The following LGSN variants were observed in gnomAD, a reference collection of about 807,000 sequenced individuals.
LGSN encodes lengsin, lens protein with glutamine synthetase domain.
Under a neutral mutation model 19.5 loss-of-function variants are expected in LGSN, and 21 were observed. The observed-to-expected ratio is 1.07, with a 90% CI of 0.76 to 1.55. LGSN has a LOEUF of 1.55. Ranked by LOEUF, LGSN falls within the 40% of genes most tolerant of loss-of-function variation. The pLI is 0.00. For missense variants in LGSN, 673 were observed against 608.5 expected (o/e 1.11, Z -1.12); for synonymous variants, 257 against 215.6 (o/e 1.19, Z -1.68).
At chr6:63,366,519 A>G in the LGSN span, among the ~76,000 whole-genome samples, 40 of 152,296 alleles carry the variant, frequency 2.6e-4, no homozygotes, top group Admixed American at 1.6e-3. Flanking sequence ...ACTGCCCAAG[A>G]TAATTTATAG....
chr6:63,564,919 A>C, the LGSN span, among the ~76,000 whole-genome samples: 1 of 152,250 alleles, frequency 6.6e-6, no homozygotes, highest in Non-Finnish European at 1.5e-5. Context: ...TAGATTCATA[A>C]TAAGTCCTTT....
the LGSN span, among the ~76,000 whole-genome samples, chr6:63,486,702 TGAGAC>T: frequency 6.7e-6 from 1 of 148,288 alleles, no homozygotes. Context: ...TTTTTTTTTT[TGAGAC>T]GGAGTCTCAC....
At chr6:63,290,486 CT>C (rs1401447149) in intron 2 of LGSN, among the ~76,000 whole-genome samples, 1 of 152,166 alleles carries the variant, frequency 6.6e-6, no homozygotes, top group Non-Finnish European at 1.5e-5. Flanking sequence ...TGTTTAGAAA[CT>C]TTTTTGAAAT....
At chr6:63,543,482 T>G in the LGSN span, among the ~76,000 whole-genome samples, 184 of 152,328 alleles carry the variant, frequency 1.2e-3, 2 homozygotes, top group African/African-American at 4.2e-3. Context: ...TCTAACTTAT[T>G]CACCATTTTG....
the LGSN span, among the ~76,000 whole-genome samples, chr6:63,376,913 C>G: frequency 6.6e-6 from 1 of 152,148 alleles, no homozygotes; most frequent in Non-Finnish European, 1.5e-5. Flanking sequence ...TCCTAGGCTT[C>G]CAAACCCAGA....
At chr6:63,397,648 G>A in the LGSN span, among the ~76,000 whole-genome samples, 1 of 152,100 alleles carries the variant, frequency 6.6e-6, no homozygotes, top group East Asian at 1.9e-4. Context: ...AGGTGTGGTG[G>A]CTCACACCTG....
chr6:63,572,383 C>T, the LGSN span: 2 of 326,266 alleles, frequency 6.1e-6, no homozygotes, highest in Non-Finnish European at 1.1e-5. Context: ...TCCGCCCCCG[C>T]CTGTCGGCTC....
chr6:63,280,035 C>CT lies in LGSN; in HGVS notation c.1515dup (p.Glu506ArgfsTer7), dbSNP rs1481670506. The CT allele has an allele frequency of 5.0e-6, 8 of 1,601,986 alleles. No homozygotes were observed. Among genetic ancestry groups the CT allele is most frequent in the Non-Finnish European group, 5.1e-6 (6 of 1,174,134 alleles). On this transcript the variant is annotated frameshift_variant, in exon 4 of 4. Coordinates refer to ENST00000370657, the MANE Select transcript of LGSN (RefSeq NM_016571.3). LOFTEE classifies it high-confidence loss of function. ...TGAGCTCTATTCTAAATAAAATACT[C>CT]TAAGAATTTATTTCTCTCTGCAGCT...
the LGSN span, among the ~76,000 whole-genome samples, chr6:63,415,056 G>A: frequency 1.1e-4 from 17 of 152,092 alleles, no homozygotes; most frequent in East Asian, 3.8e-4. Context: ...AGTGGGACGC[G>A]CCTGTAATTC....
chr6:63,456,518 A>T, the LGSN span, among the ~76,000 whole-genome samples: 1 of 150,956 alleles, frequency 6.6e-6, no homozygotes, highest in Non-Finnish European at 1.5e-5. Flanking sequence ...GCCACCACAC[A>T]AACGATCTTC....
chr6:63,534,362 AG>A, the LGSN span, among the ~76,000 whole-genome samples: 1 of 152,044 alleles, frequency 6.6e-6, no homozygotes, highest in Non-Finnish European at 1.5e-5. Flanking sequence ...TGGTTCTCTG[AG>A]GACATTTGAA....
At chr6:63,568,229 T>C in the LGSN span, among the ~76,000 whole-genome samples, 129 of 152,370 alleles carry the variant, frequency 8.5e-4, no homozygotes, top group Admixed American at 4.6e-3. Flanking sequence ...GGCCTATCTC[T>C]GCTTTCAACT....
the LGSN span, among the ~76,000 whole-genome samples, chr6:63,493,251 A>G: frequency 1.3e-5 from 2 of 152,252 alleles, no homozygotes; most frequent in Non-Finnish European, 2.9e-5. Context: ...AAGTGCTTTC[A>G]TTGTAAAACT....
the LGSN span, among the ~76,000 whole-genome samples, chr6:63,437,867 T>G: frequency 2.0e-4 from 31 of 152,082 alleles, no homozygotes; most frequent in African/African-American, 7.2e-4. Flanking sequence ...GAGGCGGAGG[T>G]TGCAGTGAGT....
At chr6:63,352,016 G>C in the LGSN span, among the ~76,000 whole-genome samples, 1,338 of 152,228 alleles carry the variant, frequency 8.8e-3, 24 homozygotes, top group African/African-American at 0.031. Context: ...GTACTTAAGA[G>C]TAAGTAACAA....
chr6:63,505,598 A>AAAGG, the LGSN span, among the ~76,000 whole-genome samples: 1 of 128,954 alleles, frequency 7.8e-6, no homozygotes, highest in African/African-American at 3.2e-5. Context: ...AGAAAGAAAG[A>AAAGG]AAGAAAGAAA....
the LGSN span, among the ~76,000 whole-genome samples, chr6:63,349,945 T>A: frequency 1.3e-5 from 2 of 152,216 alleles, no homozygotes; most frequent in African/African-American, 4.8e-5. Flanking sequence ...CAGGCCAGCT[T>A]CACAGAAGAT....
chr6:63,556,686 T>C, the LGSN span, among the ~76,000 whole-genome samples: 1 of 152,252 alleles, frequency 6.6e-6, no homozygotes, highest in Non-Finnish European at 1.5e-5. Context: ...CTGTACTACA[T>C]CAATAATTTA....
the LGSN span, among the ~76,000 whole-genome samples, chr6:63,419,294 C>A: frequency 2.6e-5 from 4 of 152,270 alleles, no homozygotes; most frequent in South Asian, 8.3e-4. Flanking sequence ...TATCATAAAG[C>A]ACTAATAAGG....
Sources: gnomAD v4.1 joint callset for allele counts (sites outside exome capture counted in the v4.1 genomes callset) on GRCh38, gnomAD v4.1.1 for gene constraint, MANE v1.5 for transcripts, NCBI Gene and HGNC (gene_info 2026-07-23, HGNC 2026-07-21) for gene names.